GLOD4: variants seen among roughly 807,000 people sequenced by gnomAD.
The protein encoded by GLOD4 is glyoxalase domain-containing protein 4.
Under a neutral mutation model 39.1 loss-of-function variants are expected in GLOD4, and 44 were observed. The ratio of observed to expected loss-of-function variants is 1.13; its 90% CI spans 0.88 to 1.45. GLOD4 has a LOEUF of 1.45. Among genes scored for constraint, GLOD4 ranks in the 40% most tolerant of loss-of-function variants. The pLI is 0.00. For synonymous variants in GLOD4, 145 were observed against 135.0 expected, an observed-to-expected ratio of 1.07 and a Z score of -0.52; for missense variants, 405 against 366.4, an observed-to-expected ratio of 1.11 and a Z score of -0.86.
chr17:769,802 C>G, intron 8 of GLOD4, 67 bp downstream of exon 8: 1 of 961,588 alleles, frequency 1.0e-6, no homozygotes, highest in Non-Finnish European at 1.7e-6. Flanking sequence ...GCTTAGTCTC[C>G]TCCCACACAC....
rs757503470 is a variant in GLOD4 at position 782,116 on chromosome 17, G to A, written c.90+50C>T. The A allele has an allele frequency of 2.8e-6, 4 of 1,413,440 alleles. No homozygotes were observed. The South Asian group carries it at 5.1e-5, about 18-fold the overall frequency. 87.6% of individuals were successfully genotyped at this position (1,413,440 alleles called of 1,614,324 possible). A position where few individuals can be genotyped will look rare whatever the true frequency, so the allele number is the denominator to read the frequency against. ...CCCTCCCTCCGCCAGGGCCGGCTCG[G>A]GCGCCGGTTCCAGCCTCGCGCGCCA... On this transcript the variant is annotated intron_variant, in intron 1 of 8. Coordinates refer to ENST00000301329, the MANE Select transcript of GLOD4 (RefSeq NM_016080.4).
At chr17:785,333 A>G (rs1910483581), upstream of GLOD4, among the ~76,000 whole-genome samples, 1 of 152,076 alleles carries the variant, frequency 6.6e-6, no homozygotes, top group African/African-American at 2.4e-5. Context: ...CCTTTTTCCA[A>G]TTTTTCTCTT....
rs1255855465 is a variant in GLOD4, at chr17:769,859, TG to T, written c.831+9del. The T allele has an allele frequency of 6.8e-7, 1 of 1,472,454 alleles. No homozygotes were observed. Among genetic ancestry groups the T allele is most frequent in the South Asian group, 1.1e-5 (1 of 88,238 alleles). 91.2% of individuals were successfully genotyped at this position (1,472,454 alleles called of 1,614,324 possible). The stretch of plus-strand genomic sequence containing the variant: ...GCCCATGGTGACATAAATGTAGAAA[TG>T]GGACTCACATCATCCAACAATTTGC... On this transcript the variant is annotated intron_variant, in intron 8 of 8. Coordinates refer to ENST00000301329, the MANE Select transcript of GLOD4 (RefSeq NM_016080.4).
intron 4 of GLOD4, among the ~76,000 whole-genome samples, chr17:774,514 C>T (rs1395836627): frequency 6.6e-6 from 1 of 152,200 alleles, no homozygotes; most frequent in East Asian, 1.9e-4. Flanking sequence ...CCTCTGCAGT[C>T]AACAAAACAA....
chr17:783,460 C>T (rs1216447624), upstream of GLOD4: 17 of 888,486 alleles, frequency 1.9e-5, no homozygotes, highest in Non-Finnish European at 9.8e-6. Flanking sequence ...CCTCAGCCTC[C>T]GCAGTAGCTG....
At chr17:771,235 A>G (rs2144376436) in intron 5 of GLOD4, 90 bp downstream of exon 5, 2 of 736,420 alleles carry the variant, frequency 2.7e-6, no homozygotes, top group East Asian at 5.4e-5. Context: ...CTTCATGTTA[A>G]CTTCATTTAT....
At chr17:780,168 T>C (rs1226702815) in intron 1 of GLOD4, among the ~76,000 whole-genome samples, 1 of 151,242 alleles carries the variant, frequency 6.6e-6, no homozygotes. Context: ...CGTCTCAACA[T>C]AAAAAAAATA....
At chr17:779,587 G>A (rs1391647581) in intron 1 of GLOD4, among the ~76,000 whole-genome samples, 2 of 151,318 alleles carry the variant, frequency 1.3e-5, no homozygotes, top group Admixed American at 1.3e-4. Flanking sequence ...GCAATGAGCT[G>A]AGATTGCACC....
At chr17:764,569 T>C (rs1299308191) in intron 8 of GLOD4, 1 of 152,064 alleles carries the variant, frequency 6.6e-6, no homozygotes, top group Non-Finnish European at 1.5e-5. Flanking sequence ...GTCTTCCTTA[T>C]AATAGATTAA....
At chr17:782,110 G>T in intron 1 of GLOD4, 56 bp downstream of exon 1, 1 of 1,361,304 alleles carries the variant, frequency 7.3e-7, no homozygotes, top group Non-Finnish European at 1.0e-6. Context: ...CGCCAGGGCC[G>T]GCTCGGGCGC....
chr17:770,586 A>T, intron 5 of GLOD4, 79 bp from the exon 6 acceptor site: 1 of 776,448 alleles, frequency 1.3e-6, no homozygotes, highest in South Asian at 1.4e-5. Context: ...TTCAAATATT[A>T]TATACTAAAG....
chr17:785,239 G>T (rs1359280325), upstream of GLOD4, among the ~76,000 whole-genome samples: 5 of 152,006 alleles, frequency 3.3e-5, no homozygotes, highest in Admixed American at 2.0e-4. Flanking sequence ...GAAACTTGTG[G>T]ATATGTGATA....
chr17:776,496 T>C (rs1908985052), intron 3 of GLOD4, among the ~76,000 whole-genome samples: 1 of 152,088 alleles, frequency 6.6e-6, no homozygotes, highest in Non-Finnish European at 1.5e-5. Flanking sequence ...AGCCTTGTTT[T>C]CCCTTTGCTC....
chr17:760,284 C>T, intron 8 of GLOD4, 46 bp from the exon 9 acceptor site: 1 of 1,032,292 alleles, frequency 9.7e-7, no homozygotes, highest in Non-Finnish European at 1.5e-6. Context: ...GCCTGAAAAA[C>T]AAAAGACATA....
intron 8 of GLOD4, among the ~76,000 whole-genome samples, chr17:760,564 G>C (rs868759636): frequency 1.3e-5 from 2 of 152,308 alleles, no homozygotes; most frequent in Middle Eastern, 3.4e-3. Context: ...TCAGGGACCC[G>C]CATGCCAGGC....
intron 4 of GLOD4, 144 bp downstream of exon 4, chr17:775,631 C>G (rs1908774183): frequency 1.5e-6 from 1 of 652,246 alleles, no homozygotes; most frequent in African/African-American, 1.8e-5. Flanking sequence ...AGAATGTAGT[C>G]TCTCCGATAA....
chr17:762,980 T>A (rs906189220), intron 8 of GLOD4, among the ~76,000 whole-genome samples: 2 of 151,438 alleles, frequency 1.3e-5, no homozygotes, highest in African/African-American at 4.9e-5. Flanking sequence ...ATCGAGACCA[T>A]CCTGGCTAAC....
At chr17:783,588 C>T (rs189106318), upstream of GLOD4, 3 of 316,082 alleles carry the variant, frequency 9.5e-6, no homozygotes, top group African/African-American at 4.2e-5. Context: ...CCTCCTGCCT[C>T]GGCCTCCCAA....
intron 8 of GLOD4, chr17:763,748 G>A (rs1905956067): frequency 6.6e-6 from 1 of 152,194 alleles, no homozygotes. Context: ...TTTGAGGTAA[G>A]ATAAGTTATG....
Sources: allele counts gnomAD v4.1 joint callset (sites outside exome capture counted in the v4.1 genomes callset), GRCh38; gene constraint gnomAD v4.1.1; transcripts MANE v1.5; gene names NCBI Gene and HGNC (gene_info 2026-07-23, HGNC 2026-07-21).